Variants in PRDM2 observed in about 807,000 individuals in gnomAD.
PRDM2 encodes the protein PR domain zinc finger protein 2.
PRDM2 carries 30 observed loss-of-function variants against 130.0 expected under a neutral mutation model. The ratio of observed to expected loss-of-function variants is 0.23; its 90% confidence interval spans 0.17 to 0.31. The LOEUF is 0.31. Among genes scored for constraint, PRDM2 ranks in the 10% least tolerant of loss-of-function variants. PRDM2 has a pLI of 1.00. For missense variants in PRDM2, 2,011 were observed against 2,108.4 expected (o/e 0.95, Z 0.90); for synonymous variants, 871 against 782.4 (o/e 1.11, Z -1.89).
intron 8 of PRDM2, among the ~76,000 whole-genome samples, chr1:13,794,479 A>G (rs1570067038): frequency 1.3e-5 from 2 of 152,176 alleles, no homozygotes; most frequent in African/African-American, 2.4e-5. Flanking sequence ...TAGCTGCTCA[A>G]TAAATATTTG....
In PRDM2 at chr1:13,758,446, C is replaced by CAA. The variant is rs373553025; in HGVS notation, c.511+8977_511+8978dup. Among the ~76,000 whole-genome samples, 61 of 73,832 alleles carry CAA rather than the reference C, an allele frequency of 8.3e-4. 1 individual carries two copies. The highest frequency in any genetic ancestry group is 3.1e-3 in the Admixed American group (20 of 6,350). 48.4% of individuals were successfully genotyped at this position (73,832 alleles called of 152,430 possible). A position where few individuals can be genotyped will look rare whatever the true frequency, so the allele number is the denominator to read the frequency against. On this transcript the variant is annotated intron_variant, in intron 6 of 9. Coordinates refer to ENST00000311066, the MANE Select transcript of PRDM2 (RefSeq NM_001393986.1). ...TGGGCAGCAGAGTGAGACTTTGTCT[C>CAA]AAAAAAAAAAAAAAAAAAAGTAAGT...
chr1:13,761,182 T>G (rs1644088894), intron 6 of PRDM2, among the ~76,000 whole-genome samples: 1 of 152,258 alleles, frequency 6.6e-6, no homozygotes, highest in South Asian at 2.1e-4. Context: ...TCTCACTGTT[T>G]GCTCGTCTTA....
At chr1:13,800,030 T>C (rs1225361032) in intron 8 of PRDM2, among the ~76,000 whole-genome samples, 1 of 152,234 alleles carries the variant, frequency 6.6e-6, no homozygotes, top group African/African-American at 2.4e-5. Context: ...AATGTGGGTG[T>C]GATTTAGTCC....
intron 8 of PRDM2, among the ~76,000 whole-genome samples, chr1:13,815,996 G>A (rs1461351666): frequency 1.3e-5 from 2 of 152,088 alleles, no homozygotes; most frequent in South Asian, 2.1e-4. Flanking sequence ...TTTTCCTTAT[G>A]GGTGTTGGGG....
chr1:13,771,213 A>T lies in PRDM2; in HGVS notation c.512-1865A>T, dbSNP rs1173107178. Among the ~76,000 whole-genome samples the T allele has an allele frequency of 6.6e-6, 1 of 152,080 alleles. No homozygotes were observed. The highest frequency in any genetic ancestry group is 1.5e-5 in the Non-Finnish European group (1 of 68,014). ...GATGTTTGTGCCCCTTATGGAGGGG[A>T]TTGGCTTATAATTCTTCACCTGGAG... On this transcript the variant is annotated intron_variant, in intron 6 of 9. Transcript: ENST00000311066. The surrounding 1 kb of genome is among the most constrained non-coding windows in gnomAD (Gnocchi z 4.1).
At chr1:13,813,933 T>G (rs1645215924) in intron 8 of PRDM2, among the ~76,000 whole-genome samples, 1 of 152,174 alleles carries the variant, frequency 6.6e-6, no homozygotes, top group Non-Finnish European at 1.5e-5. Context: ...GTGTGATTGA[T>G]CTGGCTTTTG....
At chr1:13,713,641 T>G (rs1642440664) in intron 1 of PRDM2, among the ~76,000 whole-genome samples, 2 of 152,240 alleles carry the variant, frequency 1.3e-5, no homozygotes, top group African/African-American at 4.8e-5. Context: ...AGATGTTTTT[T>G]GTTCTGTTCC....
intron 6 of PRDM2, among the ~76,000 whole-genome samples, chr1:13,757,654 G>A (rs1643989814): frequency 6.6e-6 from 1 of 152,170 alleles, no homozygotes; most frequent in Non-Finnish European, 1.5e-5. Context: ...AACTGTAAGT[G>A]CAATTCTGAT....
At chr1:13,800,923 G>A (rs1366435684) in intron 8 of PRDM2, among the ~76,000 whole-genome samples, 2 of 152,160 alleles carry the variant, frequency 1.3e-5, no homozygotes, top group Non-Finnish European at 2.9e-5. Flanking sequence ...CGTTAGGCCC[G>A]TTTCATAAAG....
In PRDM2 at chr1:13,779,904, T is replaced by C. The variant is rs1475118996; in HGVS notation, c.2109T>C (p.Pro703=). ...QLLQTQDKLT[P]AGISATEIAK... ...TTCAAACCCAAGATAAACTAACTCC[T>C]GCAGGGATTTCAGCAACTGAAATAG... is the stretch of plus-strand genomic sequence containing the variant. The change falls in exon 8 of 10, where the codon CCT becomes CCC. Residue 703 remains proline, a synonymous_variant. Transcript: ENST00000311066. This position sits in a 1 kb window ranked among gnomAD's most constrained non-coding sequence, Gnocchi z 4.9. 1.9e-6 allele frequency: 3 copies of C among 1,614,002 alleles called. No homozygotes were observed. Among genetic ancestry groups the C allele is most frequent in the Non-Finnish European group, 2.5e-6 (3 of 1,179,978 alleles).
intron 8 of PRDM2, among the ~76,000 whole-genome samples, chr1:13,795,723 T>C (rs559865228): frequency 7.2e-4 from 110 of 152,340 alleles, no homozygotes; most frequent in African/African-American, 2.5e-3. Context: ...AGGCCTCGTT[T>C]TTACCAAGGT....
At chr1:13,729,790 G>A (rs1012515381) in intron 2 of PRDM2, among the ~76,000 whole-genome samples, 1 of 152,172 alleles carries the variant, frequency 6.6e-6, no homozygotes, top group African/African-American at 2.4e-5. Context: ...CTGCACGAGA[G>A]ACAAACCTGT....
At chr1:13,776,204 G>A (rs1222605325) in intron 7 of PRDM2, among the ~76,000 whole-genome samples, 1 of 152,068 alleles carries the variant, frequency 6.6e-6, no homozygotes, top group Non-Finnish European at 1.5e-5. Context: ...AGCTCTCTAT[G>A]GGTAAGGATC....
intron 2 of PRDM2, among the ~76,000 whole-genome samples, chr1:13,716,053 T>C (rs528920952): frequency 6.6e-6 from 1 of 152,310 alleles, no homozygotes; most frequent in South Asian, 2.1e-4. Context: ...CCAACCCAAA[T>C]GTCCAACAAT....
intron 8 of PRDM2, among the ~76,000 whole-genome samples, chr1:13,811,881 G>A (rs1340607227): frequency 6.6e-6 from 1 of 152,260 alleles, no homozygotes; most frequent in African/African-American, 2.4e-5. Context: ...CACAAGGTGG[G>A]AGGGAGCTGT....
intron 8 of PRDM2, among the ~76,000 whole-genome samples, chr1:13,796,690 C>T (rs956165552): frequency 3.9e-5 from 6 of 152,092 alleles, no homozygotes; most frequent in Admixed American, 1.3e-4. Context: ...AAGCCAAGGC[C>T]GCAGTGAGCT....
At chr1:13,752,773 TG>T (rs1284306312) in intron 6 of PRDM2, among the ~76,000 whole-genome samples, 28 of 152,304 alleles carry the variant, frequency 1.8e-4, no homozygotes, top group African/African-American at 6.7e-4. Flanking sequence ...AAAGACGGGA[TG>T]CCTGGGCGTT....
At chr1:13,747,824 A>T (rs930967400) in intron 5 of PRDM2, among the ~76,000 whole-genome samples, 5 of 152,092 alleles carry the variant, frequency 3.3e-5, no homozygotes, top group Non-Finnish European at 5.9e-5. Flanking sequence ...TCTCTTGGAT[A>T]ACCATTGTGC....
chr1:13,782,928 T>C lies in PRDM2; in HGVS notation c.5036+97T>C, dbSNP rs748278521. 3.2e-5 allele frequency: 50 copies of C among 1,559,114 alleles called. No homozygotes were observed. The East Asian group carries it at 6.6e-4, about 21-fold the overall frequency. On this transcript the variant is annotated intron_variant, in intron 8 of 9. Coordinates refer to ENST00000311066, the MANE Select transcript of PRDM2 (RefSeq NM_001393986.1). ...TTTCTTGTTGCTTTTTTTTTTTTTT[T>C]TCCCCACTTAAAGGAAATAGCTGTT...
Sources: gnomAD v4.1 joint callset for allele counts (sites outside exome capture counted in the v4.1 genomes callset) on GRCh38, gnomAD v4.1.1 for gene constraint, Gnocchi (gnomAD v3.1) non-coding constraint, MANE v1.5 for transcripts, NCBI Gene and HGNC (gene_info 2026-07-23, HGNC 2026-07-21) for gene names.